IL10RB: variants seen among roughly 807,000 people sequenced by gnomAD.
The protein encoded by IL10RB is interleukin-10 receptor subunit beta.
In IL10RB, 30 loss-of-function variants were observed where a neutral mutation model predicts 38.7. The observed-to-expected ratio is 0.78, with a 90% confidence interval of 0.58 to 1.05. The LOEUF (loss-of-function observed/expected upper bound fraction) is 1.05. Ranked by LOEUF, IL10RB falls within the 50% of genes least tolerant of loss-of-function variation. IL10RB has a pLI of 0.00. For missense variants in IL10RB, 328 were observed against 397.1 expected, an observed-to-expected ratio of 0.83 and a Z score of 1.48; for synonymous variants, 142 against 145.9, an observed-to-expected ratio of 0.97 and a Z score of 0.19.
At chr21:33,277,052 G>C (rs201560430) in intron 3 of IL10RB, among the ~76,000 whole-genome samples, 1 of 63,226 alleles carries the variant, frequency 1.6e-5, no homozygotes, top group African/African-American at 4.5e-5. Flanking sequence ...GGATTCTTGT[G>C]GTGAATTTTC....
At chr21:33,285,907 G>A (rs1213050561) in intron 5 of IL10RB, among the ~76,000 whole-genome samples, 1 of 152,164 alleles carries the variant, frequency 6.6e-6, no homozygotes, top group East Asian at 1.9e-4. Flanking sequence ...ATCACCAAGA[G>A]CAGACTCACA....
At chr21:33,296,039 G>C (rs1269914108) in intron 6 of IL10RB, 145 bp from the exon 7 acceptor site, 10 of 460,324 alleles carry the variant, frequency 2.2e-5, no homozygotes, top group Non-Finnish European at 7.1e-6. Context: ...GCAAGACTCT[G>C]TCTCAAAAAA....
intron 1 of IL10RB, among the ~76,000 whole-genome samples, chr21:33,266,958 A>C (rs1988964362): frequency 6.6e-6 from 1 of 151,766 alleles, no homozygotes; most frequent in Non-Finnish European, 1.5e-5. Flanking sequence ...CTGCCCCCTC[A>C]GTGCCAGCCC....
intron 2 of IL10RB, among the ~76,000 whole-genome samples, chr21:33,269,002 A>G (rs546193208): frequency 3.9e-5 from 6 of 152,258 alleles, no homozygotes; most frequent in South Asian, 2.1e-4. Context: ...TTCCCCTCCA[A>G]TGGATTATAA....
downstream of IL10RB, among the ~76,000 whole-genome samples, chr21:33,301,870 G>C (rs1601841403): frequency 6.6e-6 from 1 of 152,304 alleles, no homozygotes; most frequent in East Asian, 1.9e-4. Flanking sequence ...AAGTGGTCTG[G>C]CTCCAGACTC....
chr21:33,278,092 T>C (rs887917287), intron 3 of IL10RB, among the ~76,000 whole-genome samples: 11 of 149,174 alleles, frequency 7.4e-5, no homozygotes, highest in African/African-American at 2.7e-4. Flanking sequence ...TGGAGTGTGC[T>C]TGTAGTCCCA....
rs368740217 is a variant in IL10RB, at chr21:33,288,195, G to T, written c.738G>T (p.Trp246Cys). 8.1e-6 allele frequency: 13 copies of T among 1,614,088 alleles called. No individual in the cohort carries two copies. Among genetic ancestry groups the T allele is most frequent in the Non-Finnish European group, 1.0e-5 (12 of 1,179,980 alleles). Residue 246 changes from tryptophan (W) to cysteine (C), a missense_variant, in exon 6 of 7, where the codon TGG becomes TGT. Physicochemically the swap from Trp to Cys is radical, Grantham distance 215. Coordinates refer to ENST00000290200, the MANE Select transcript of IL10RB (RefSeq NM_000628.5). ...TCCTCGGCTGCTTCGCCTTGCTGTG[G>T]TGCGTTTACAAGAAGACAAAGTACG... ...LALLGCFALL[W>C]CVYKKTKYAF...
intron 6 of IL10RB, among the ~76,000 whole-genome samples, chr21:33,289,469 G>A (rs1000550068): frequency 2.6e-5 from 4 of 152,212 alleles, no homozygotes; most frequent in Admixed American, 2.0e-4. Flanking sequence ...CTCCTCTCCC[G>A]GGAGGAGCCT....
chr21:33,267,514 TTTTG>T (rs1988985572), intron 1 of IL10RB, among the ~76,000 whole-genome samples: 6 of 88,736 alleles, frequency 6.8e-5, no homozygotes, highest in African/African-American at 1.7e-4. Context: ...TTTTTTGTTT[TTTTG>T]TTTTTTTTTG....
At chr21:33,294,186 A>G (rs1989544336) in intron 6 of IL10RB, 3 of 385,378 alleles carry the variant, frequency 7.8e-6, no homozygotes, top group South Asian at 3.8e-5. Flanking sequence ...CCAGGCAACT[A>G]CGGAGCAGTT....
intron 3 of IL10RB, 80 bp downstream of exon 3, chr21:33,276,833 A>G (rs1199400354): frequency 8.0e-7 from 1 of 1,251,538 alleles, no homozygotes; most frequent in Non-Finnish European, 1.2e-6. Flanking sequence ...TCCATCAACA[A>G]GAATTCTTTG....
At chr21:33,266,575 C>CAGGG in intron 1 of IL10RB, 61 bp downstream of exon 1, 1 of 1,498,150 alleles carries the variant, frequency 6.7e-7, no homozygotes, top group Non-Finnish European at 9.0e-7. Flanking sequence ...AGATGCCGCC[C>CAGGG]CTGATCCCAT....
chr21:33,295,692 C>A (rs1412719494), intron 6 of IL10RB, among the ~76,000 whole-genome samples: 3 of 130,338 alleles, frequency 2.3e-5, no homozygotes, highest in South Asian at 2.5e-4. Context: ...AAAAAAAAAT[C>A]TTCGTTTGTA....
Position 33,296,480 on chromosome 21 carries a change from C to A in IL10RB, c.*123C>A. 1 of 936,526 alleles carries A rather than the reference C, an allele frequency of 1.1e-6. No homozygotes were observed. The highest frequency in any genetic ancestry group is 1.7e-6 in the Non-Finnish European group (1 of 596,238). 58.0% of individuals were successfully genotyped at this position (936,526 alleles called of 1,614,324 possible). A position where few individuals can be genotyped will look rare whatever the true frequency, so the allele number is the denominator to read the frequency against. ...ATCTGAGCCAGCCCCACATCTAGAACTCCCAGACCCTGGACTTAGCCACCA... is the reference window on the plus strand; with the variant it reads ...ATCTGAGCCAGCCCCACATCTAGAAATCCCAGACCCTGGACTTAGCCACCA... On this transcript the variant is annotated 3_prime_UTR_variant, in exon 7 of 7. Transcript: ENST00000290200.
intron 4 of IL10RB, among the ~76,000 whole-genome samples, chr21:33,281,977 C>T (rs1476764526): frequency 6.6e-6 from 1 of 152,164 alleles, no homozygotes; most frequent in East Asian, 1.9e-4. Context: ...ACCACCTTAC[C>T]TGCTTGCCTC....
rs149368385 is a variant in IL10RB, at chr21:33,285,941, G to T, written c.647-2163G>T. Among the ~76,000 whole-genome samples, 79 of 152,308 alleles carry T rather than the reference G, an allele frequency of 5.2e-4. 1 individual carries two copies. In the East Asian group the frequency reaches 0.015, roughly 28 times the overall value. On this transcript the variant is annotated intron_variant, in intron 5 of 6. Coordinates refer to ENST00000290200, the MANE Select transcript of IL10RB (RefSeq NM_000628.5). ...CATGTTTGAGCTGAACATGCTGGAAGTGTGGGCCAGACGGCACCGCTTCTG... is the reference window on the plus strand; with the variant it reads ...CATGTTTGAGCTGAACATGCTGGAATTGTGGGCCAGACGGCACCGCTTCTG...
chr21:33,295,224 G>T (rs917401858), intron 6 of IL10RB, among the ~76,000 whole-genome samples: 1 of 152,096 alleles, frequency 6.6e-6, no homozygotes, highest in Non-Finnish European at 1.5e-5. Context: ...CAGGCAAGGT[G>T]GTGGGCGCCT....
chr21:33,270,498 A>G (rs534055378), intron 2 of IL10RB, among the ~76,000 whole-genome samples: 136 of 150,412 alleles, frequency 9.0e-4, no homozygotes, highest in African/African-American at 3.3e-3. Context: ...CTCCTGCCTC[A>G]GCCTCCCGAG....
At chr21:33,306,591 G>A (rs1425669298) in intron 1 of IL10RB, among the ~76,000 whole-genome samples, 1 of 152,082 alleles carries the variant, frequency 6.6e-6, no homozygotes, top group Non-Finnish European at 1.5e-5. Flanking sequence ...GGAGTGCAGT[G>A]GTGCGATCAT....
Sources: allele counts gnomAD v4.1 joint callset (sites outside exome capture counted in the v4.1 genomes callset), GRCh38; gene constraint gnomAD v4.1.1; transcripts MANE v1.5; gene names NCBI Gene and HGNC (gene_info 2026-07-23, HGNC 2026-07-21).